The following AKAP13 variants were observed in gnomAD, a reference collection of about 807,000 sequenced individuals.
AKAP13 encodes A-kinase anchoring protein 13.
In AKAP13, 80 loss-of-function variants were observed where a neutral mutation model predicts 264.5. That is an observed-to-expected ratio of 0.30 (90% CI 0.25 to 0.36). The LOEUF is 0.36. Ranked by LOEUF, AKAP13 falls within the 10% of genes least tolerant of loss-of-function variation. The probability of loss-of-function intolerance (pLI) is 1.00; values close to 1 mark genes in which losing one functional copy is unlikely to be tolerated. For synonymous variants in AKAP13, 1,380 were observed against 1,250.2 expected (o/e 1.10, Z -2.19); for missense variants, 3,712 against 3,435.2 (o/e 1.08, Z -2.01).
At chr15:85,698,039 A>G (rs1261835459) in intron 17 of AKAP13, among the ~76,000 whole-genome samples, 1 of 152,230 alleles carries the variant, frequency 6.6e-6, no homozygotes, top group African/African-American at 2.4e-5. Context: ...AAAAAAAGGA[A>G]TTCTAAAATG....
In AKAP13 at chr15:85,559,626, C is replaced by A. The variant is rs10162624; in HGVS notation, c.663-15505C>A. Among the ~76,000 whole-genome samples the A allele has an allele frequency of 8.9e-3, 1,359 of 152,182 alleles. 18 individuals carry two copies. Among genetic ancestry groups the A allele is most frequent in the African/African-American group, 0.031 (1,305 of 41,496 alleles). On this transcript the variant is annotated intron_variant, in intron 5 of 36. Transcript: ENST00000394518. ...GTGACAGATCATCAAACATTAGATTCACATAAGGAGCCTAGATCCCTCACA... is the reference window on the plus strand; with the variant it reads ...GTGACAGATCATCAAACATTAGATTAACATAAGGAGCCTAGATCCCTCACA...
At chr15:85,610,732 TC>T (rs2080570982) in intron 8 of AKAP13, among the ~76,000 whole-genome samples, 1 of 152,162 alleles carries the variant, frequency 6.6e-6, no homozygotes, top group Non-Finnish European at 1.5e-5. Context: ...TCCCAGCACT[TC>T]GGGAGGCCGA....
intron 8 of AKAP13, among the ~76,000 whole-genome samples, chr15:85,633,161 C>T (rs114953798): frequency 0.11 from 17,171 of 152,128 alleles, 1,171 homozygotes; most frequent in East Asian, 0.2. Flanking sequence ...CCACCGCGCC[C>T]GGCAGAAATA....
In AKAP13 at chr15:85,580,706, A is replaced by G; in HGVS notation, c.2638A>G (p.Ile880Val). The G allele has an allele frequency of 1.9e-6, 3 of 1,614,186 alleles. No homozygotes were observed. Among genetic ancestry groups the G allele is most frequent in the Non-Finnish European group, 1.7e-6 (2 of 1,180,028 alleles). ...GEHEGPAPPA[I>V]PEALNIKGNT... is the part of the protein sequence containing the mutation. ...GCATGAGGGTCCCGCCCCTCCAGCAATCCCAGAAGCTCTGAATATCAAGGG... is the reference window on the plus strand; with the variant it reads ...GCATGAGGGTCCCGCCCCTCCAGCAGTCCCAGAAGCTCTGAATATCAAGGG... Residue 880 changes from isoleucine (I) to valine (V), a missense_variant, in exon 7 of 37, where the codon ATC becomes GTC. By Grantham distance (29) the Ile-to-Val change is conservative. Transcript: ENST00000394518.
At chr15:85,394,946 A>T (rs887235306) in intron 1 of AKAP13, among the ~76,000 whole-genome samples, 2 of 152,136 alleles carry the variant, frequency 1.3e-5, no homozygotes, top group African/African-American at 4.8e-5. Flanking sequence ...GGAGTAACTA[A>T]TTTTCTTACT....
chr15:85,527,086 C>T (rs1344172543), intron 3 of AKAP13, among the ~76,000 whole-genome samples: 1 of 152,028 alleles, frequency 6.6e-6, no homozygotes, highest in Non-Finnish European at 1.5e-5. Flanking sequence ...TCCCGAGTTC[C>T]CGAGTAGCTG....
intron 10 of AKAP13, among the ~76,000 whole-genome samples, chr15:85,647,730 G>C (rs2082620151): frequency 6.6e-6 from 1 of 152,130 alleles, no homozygotes; most frequent in African/African-American, 2.4e-5. Flanking sequence ...CTGATCATGA[G>C]GTCAGGAGAT....
At chr15:85,411,486 G>A (rs2071964087) in intron 1 of AKAP13, among the ~76,000 whole-genome samples, 1 of 152,064 alleles carries the variant, frequency 6.6e-6, no homozygotes, top group East Asian at 1.9e-4. Flanking sequence ...CCCCCAGGCT[G>A]GAGTGTAGTG....
intron 1 of AKAP13, among the ~76,000 whole-genome samples, chr15:85,483,685 C>T (rs1032019525): frequency 1.4e-5 from 2 of 143,380 alleles, no homozygotes; most frequent in African/African-American, 5.2e-5. Flanking sequence ...GTGGCGGGTG[C>T]CTGTAATCTC....
At chr15:85,383,514 A>T (rs982071866) in intron 1 of AKAP13, among the ~76,000 whole-genome samples, 10 of 152,236 alleles carry the variant, frequency 6.6e-5, no homozygotes, top group Non-Finnish European at 7.3e-5. Flanking sequence ...AAGCATTCTT[A>T]AAAGTCTGAT....
At chr15:85,425,670 T>G (rs1194555941) in intron 1 of AKAP13, among the ~76,000 whole-genome samples, 1 of 149,646 alleles carries the variant, frequency 6.7e-6, no homozygotes, top group African/African-American at 2.5e-5. Flanking sequence ...GAGTTGAGAT[T>G]GTGCCACTGC....
intron 1 of AKAP13, among the ~76,000 whole-genome samples, 174 bp downstream of exon 1, chr15:85,380,972 G>T (rs2083387893): frequency 6.6e-6 from 1 of 152,080 alleles, no homozygotes; most frequent in East Asian, 1.9e-4. Flanking sequence ...GCGGCGCCGG[G>T]ACCTCAGGTC....
chr15:85,407,230 C>G (rs1596070069), intron 1 of AKAP13, among the ~76,000 whole-genome samples: 2 of 132,188 alleles, frequency 1.5e-5, no homozygotes, highest in Admixed American at 1.5e-4. Context: ...TGTGCTGGGT[C>G]TTTTTTTTTT....
chr15:85,561,836 T>C (rs775869510), intron 5 of AKAP13, among the ~76,000 whole-genome samples: 3 of 152,224 alleles, frequency 2.0e-5, no homozygotes, highest in Non-Finnish European at 2.9e-5. Context: ...GACTACTAAC[T>C]TCTGTACCCA....
At chr15:85,536,805 G>GC (rs1318914524) in intron 4 of AKAP13, 1 of 152,178 alleles carries the variant, frequency 6.6e-6, no homozygotes, top group Non-Finnish European at 1.5e-5. Flanking sequence ...ATGAGTAGTT[G>GC]CTAGGGGCTG....
At chr15:85,496,168 G>A (rs903557806) in intron 2 of AKAP13, among the ~76,000 whole-genome samples, 10 of 152,258 alleles carry the variant, frequency 6.6e-5, no homozygotes, top group South Asian at 6.2e-4. Flanking sequence ...CGCATCCTGT[G>A]AGTGGCTACA....
intron 5 of AKAP13, among the ~76,000 whole-genome samples, chr15:85,573,367 A>T (rs1204878208): frequency 6.6e-6 from 1 of 151,864 alleles, no homozygotes; most frequent in Non-Finnish European, 1.5e-5. Context: ...ATGTGGCAAA[A>T]CCCCTGTCTC....
intron 1 of AKAP13, among the ~76,000 whole-genome samples, chr15:85,432,462 T>G (rs1425458658): frequency 6.6e-6 from 1 of 152,164 alleles, no homozygotes; most frequent in East Asian, 1.9e-4. Flanking sequence ...CTGAATTCCC[T>G]CTTAGAGCAT....
chr15:85,639,332 T>C, intron 8 of AKAP13, 42 bp from the exon 9 acceptor site: 7 of 1,400,452 alleles, frequency 5.0e-6, no homozygotes, highest in Non-Finnish European at 7.0e-6. Flanking sequence ...TTATCTCACA[T>C]TACTTCAATG....
Sources: allele counts gnomAD v4.1 joint callset (sites outside exome capture counted in the v4.1 genomes callset), GRCh38; gene constraint gnomAD v4.1.1; transcripts MANE v1.5; gene names NCBI Gene and HGNC (gene_info 2026-07-23, HGNC 2026-07-21).